The following C11orf16 variants were observed in gnomAD, a reference collection of about 807,000 sequenced individuals.
The protein encoded by C11orf16 is chromosome 11 open reading frame 16.
A neutral mutation model predicts 45.1 loss-of-function variants in C11orf16; 38 were observed. That is an observed-to-expected ratio of 0.84 (90% CI 0.65 to 1.10). The LOEUF is 1.10. Ranked by LOEUF, C11orf16 falls within the 50% of genes least tolerant of loss-of-function variation. The pLI is 0.00. For synonymous variants in C11orf16, 221 were observed against 222.0 expected (o/e 1.00, Z 0.04); for missense variants, 583 against 569.5 (o/e 1.02, Z -0.24).
chr11:8,925,957 A>C lies in C11orf16; in HGVS notation c.710T>G (p.Leu237Arg), dbSNP rs759267698. ...KSFTREHPRP[L>R]HWAPCCSLLG... ...CAGAGAGCAGCAAGGGGCCCAGTGA[A>C]GGGGCCTGGGGTGCTCCCTGGTGAA... The change falls in exon 5 of 7, where the codon CTT (leucine) becomes CGT (arginine). Residue 237 changes from leucine to arginine, a missense_variant. Coordinates refer to ENST00000326053, the MANE Select transcript of C11orf16 (RefSeq NM_020643.3). 6.2e-7 allele frequency: 1 copy of C among 1,614,096 alleles called. No homozygotes were observed. The highest frequency in any genetic ancestry group is 8.5e-7 in the Non-Finnish European group (1 of 1,180,016).
chr11:8,932,000 T>G lies in C11orf16; in HGVS notation c.167+142A>C, dbSNP rs563821630. The G allele has an allele frequency of 6.4e-5, 57 of 887,244 alleles. No homozygotes were observed. The East Asian group carries it at 1.2e-3, about 19-fold the overall frequency. The allele number at this position is 887,244 out of a possible 1,614,324, so 55.0% of individuals were successfully genotyped here. On this transcript the variant is annotated intron_variant, in intron 2 of 6. Coordinates refer to ENST00000326053, the MANE Select transcript of C11orf16 (RefSeq NM_020643.3). ...TGGAGTGACAGACCCCACACAGATATGCCAATCATAGGCCAAACAATGACG... is the reference window on the plus strand; with the variant it reads ...TGGAGTGACAGACCCCACACAGATAGGCCAATCATAGGCCAAACAATGACG...
At position 8,925,836 on chromosome 11, in the gene C11orf16, CAGT is replaced by C. The variant is rs1172836755; in HGVS notation, c.828_830del (p.Leu277del). On this transcript the variant is annotated inframe_deletion, in exon 5 of 7. Coordinates refer to ENST00000326053, the MANE Select transcript of C11orf16 (RefSeq NM_020643.3). The stretch of plus-strand genomic sequence containing the variant: ...GGCAGCCACAGAGGCAGCCCTGGCA[CAGT>C]AGCTGGCAGCAGGCATGATGGTGGC... 46 of 1,614,114 alleles carry C rather than the reference CAGT, an allele frequency of 2.8e-5. No individual in the cohort carries two copies. Among genetic ancestry groups the C allele is most frequent in the Admixed American group, 6.7e-5 (4 of 60,014 alleles).
chr11:8,922,943 C>T (rs1429207076), intron 5 of C11orf16, among the ~76,000 whole-genome samples: 3 of 152,156 alleles, frequency 2.0e-5, no homozygotes, highest in Admixed American at 6.5e-5. Flanking sequence ...GGCATGCTCT[C>T]CATATATTTG....
chr11:8,922,995 T>G (rs190737492), intron 5 of C11orf16, among the ~76,000 whole-genome samples: 72 of 152,302 alleles, frequency 4.7e-4, no homozygotes, highest in Non-Finnish European at 1.5e-4. Context: ...CCAGGAACTT[T>G]CCCTAGAGCA....
intron 2 of C11orf16, 108 bp from the exon 3 acceptor site, chr11:8,929,641 G>A: frequency 9.4e-7 from 1 of 1,065,138 alleles, no homozygotes; most frequent in Non-Finnish European, 1.3e-6. Flanking sequence ...CATGAGGCAT[G>A]CGGAACAGAA....
At chr11:8,931,484 G>A (rs558264148) in intron 2 of C11orf16, among the ~76,000 whole-genome samples, 33 of 152,228 alleles carry the variant, frequency 2.2e-4, no homozygotes, top group East Asian at 5.8e-4. Flanking sequence ...TCCACCTTCC[G>A]AGTTCAAGCA....
At chr11:8,932,449 T>A in intron 1 of C11orf16, 123 bp from the exon 2 acceptor site, 2 of 685,532 alleles carry the variant, frequency 2.9e-6, no homozygotes, top group Non-Finnish European at 2.2e-6. Flanking sequence ...TGCACGGCCC[T>A]ACCTGCTCCC....
At chr11:8,922,512 G>A (rs1449176759) in intron 5 of C11orf16, among the ~76,000 whole-genome samples, 4 of 152,174 alleles carry the variant, frequency 2.6e-5, no homozygotes, top group Non-Finnish European at 5.9e-5. Context: ...AGTCAAAGGA[G>A]GCAGAAAGTA....
At chr11:8,926,205 G>A in intron 4 of C11orf16, 98 bp from the exon 5 acceptor site, 1 of 556,840 alleles carries the variant, frequency 1.8e-6, no homozygotes, top group Non-Finnish European at 2.6e-6. Flanking sequence ...TTTTTTTTTT[G>A]AGACAGGGTC....
At chr11:8,922,662 C>G (rs2064583197) in intron 5 of C11orf16, among the ~76,000 whole-genome samples, 1 of 152,160 alleles carries the variant, frequency 6.6e-6, no homozygotes, top group Non-Finnish European at 1.5e-5. Flanking sequence ...AGAGGCAAAG[C>G]TCAAAATTGA....
chr11:8,932,769 C>G (rs988326739), intron 1 of C11orf16, 132 bp downstream of exon 1: 7 of 153,922 alleles, frequency 4.5e-5, no homozygotes, highest in African/African-American at 1.7e-4. Context: ...CCGTCCATCC[C>G]CTTTCCAGCC....
intron 5 of C11orf16, among the ~76,000 whole-genome samples, chr11:8,922,001 A>G (rs544102871): frequency 6.6e-6 from 1 of 152,290 alleles, no homozygotes; most frequent in East Asian, 1.9e-4. Context: ...AGAGAAAAAA[A>G]TTGTTATCAT....
At chr11:8,926,189 T>TC (rs2064612054) in intron 4 of C11orf16, 82 bp from the exon 5 acceptor site, 5 of 1,019,844 alleles carry the variant, frequency 4.9e-6, no homozygotes, top group Admixed American at 3.6e-5. Flanking sequence ...TCTTTTCTTT[T>TC]TTTTTTTTTT....
intron 5 of C11orf16, among the ~76,000 whole-genome samples, chr11:8,924,387 A>G (rs2064594702): frequency 6.6e-6 from 1 of 152,148 alleles, no homozygotes; most frequent in Non-Finnish European, 1.5e-5. Flanking sequence ...TTAGCCAGGC[A>G]TGGTGGCATG....
At chr11:8,931,570 A>G (rs1046346699) in intron 2 of C11orf16, among the ~76,000 whole-genome samples, 11 of 152,128 alleles carry the variant, frequency 7.2e-5, no homozygotes, top group African/African-American at 2.7e-4. Context: ...TTATATTTTT[A>G]GTAGAGACGG....
chr11:8,927,009 C>T lies in C11orf16; in HGVS notation c.490G>A (p.Glu164Lys). ...GGGCCATACTGCTGTTGGCCTGGCT[C>T]CCAGAGTGCCAGCACCTTATCCCCT... ...RPGDKVLALW[E>K]PGQQQYGPGT... The change falls in exon 4 of 7, where the codon GAG (glutamate) becomes AAG (lysine). Residue 164 changes from glutamate (E) to lysine (K), a missense_variant. By Grantham distance (56) the Glu-to-Lys change is moderately conservative (BLOSUM62 1). Transcript: ENST00000326053. The T allele has an allele frequency of 1.2e-6, 2 of 1,614,002 alleles. No homozygotes were observed. The highest frequency in any genetic ancestry group is 1.7e-6 in the Non-Finnish European group (2 of 1,180,002).
rs779582652 is a variant in C11orf16, at chr11:8,921,508, T to C, written c.1212A>G (p.Arg404=). 5 of 1,614,236 alleles carry C rather than the reference T, an allele frequency of 3.1e-6. No homozygotes were observed. The highest frequency in any genetic ancestry group is 8.5e-7 in the Non-Finnish European group (1 of 1,180,032). The change falls in exon 6 of 7, where the codon AGA becomes AGG. Residue 404 remains arginine, a synonymous_variant. Coordinates refer to ENST00000326053, the MANE Select transcript of C11orf16 (RefSeq NM_020643.3). ...PEPCLGKPGT[R]YSNICKEEKD... Reference sequence around the variant, plus strand: ...TTTCTTCTTTGCAGATGTTGGAATATCTTGTTCCTAAACCCAAAAGTCAAT... The same window carrying C: ...TTTCTTCTTTGCAGATGTTGGAATACCTTGTTCCTAAACCCAAAAGTCAAT...
At position 8,926,954 on chromosome 11, in the gene C11orf16, C is replaced by T. The variant is rs2064618185; in HGVS notation, c.545G>A (p.Arg182Lys). 2 of 1,613,460 alleles carry T rather than the reference C, an allele frequency of 1.2e-6. No individual in the cohort carries two copies. Among genetic ancestry groups the T allele is most frequent in the African/African-American group, 2.7e-5 (2 of 74,896 alleles). The part of the protein sequence containing the change: ...PGTVLLGLEM[R>K]DPQRASKEKE... Reference sequence around the variant, plus strand: ...GCTTCTCTTACCTCTCTGGGGATCTCTCATCTCCAAGCCCAAAAGAACAGT... The same window carrying T: ...GCTTCTCTTACCTCTCTGGGGATCTTTCATCTCCAAGCCCAAAAGAACAGT... Residue 182 changes from arginine to lysine, a missense_variant, in exon 4 of 7, where the codon AGA (arginine) becomes AAA (lysine). Transcript: ENST00000326053.
rs755556899 is a variant in C11orf16, at chr11:8,921,389, G to A, written c.1331C>T (p.Pro444Leu). The A allele has an allele frequency of 9.9e-6, 16 of 1,614,076 alleles. No individual in the cohort carries two copies. Among genetic ancestry groups the A allele is most frequent in the African/African-American group, 4.0e-5 (3 of 74,912 alleles). The stretch of plus-strand genomic sequence containing the variant: ...CTTTCTGTGTTCAGCTTCCCCTGGC[G>A]GGGTCCGCGGTGGCTTCATGTGGGT... ...KATHMKPPRT[P>L]PGEAEHRKRS... The change falls in exon 6 of 7, where the codon CCG (proline) becomes CTG (leucine). Residue 444 changes from proline (P) to leucine (L), a missense_variant. Transcript: ENST00000326053.
Sources: allele counts gnomAD v4.1 joint callset (sites outside exome capture counted in the v4.1 genomes callset), GRCh38; gene constraint gnomAD v4.1.1; transcripts MANE v1.5; gene names NCBI Gene and HGNC (gene_info 2026-07-23, HGNC 2026-07-21).